Variants in ACE observed in about 807,000 individuals in gnomAD.
ACE encodes angiotensin I converting enzyme.
ACE carries 122 observed loss-of-function variants against 162.3 expected under a neutral mutation model. That is an observed-to-expected ratio of 0.75 (90% CI 0.65 to 0.87). The LOEUF (loss-of-function observed/expected upper bound fraction) is 0.87. Among genes scored for constraint, ACE ranks in the 40% least tolerant of loss-of-function variants. The pLI is 0.00. For missense variants in ACE, 1,799 were observed against 1,735.1 expected (o/e 1.04, Z -0.65); for synonymous variants, 796 against 720.6 (o/e 1.10, Z -1.68).
chr17:63,484,231 C>T lies in ACE; in HGVS notation c.1710-99C>T. On this transcript the variant is annotated intron_variant, in intron 11 of 24. Coordinates refer to ENST00000290866, the MANE Select transcript of ACE (RefSeq NM_000789.4). The surrounding 1 kb of genome is among the most constrained non-coding windows in gnomAD (Gnocchi z 4.0). Reference sequence around the variant, plus strand: ...TCTTATTGCCACAGTTTCTGCAGTCCATTGGGGGGCGGAAGTGGCCAGGGG... The same window carrying T: ...TCTTATTGCCACAGTTTCTGCAGTCTATTGGGGGGCGGAAGTGGCCAGGGG... The T allele has an allele frequency of 7.2e-6, 10 of 1,383,862 alleles. No individual in the cohort carries two copies. Among genetic ancestry groups the T allele is most frequent in the Non-Finnish European group, 9.9e-6 (10 of 1,008,802 alleles). 85.7% of individuals were successfully genotyped at this position (1,383,862 alleles called of 1,614,324 possible).
chr17:63,491,436 G>C lies in ACE; in HGVS notation c.2912+55G>C, dbSNP rs1407435479. The C allele has an allele frequency of 1.2e-6, 2 of 1,610,352 alleles. No individual in the cohort carries two copies. Among genetic ancestry groups the C allele is most frequent in the Admixed American group, 1.7e-5 (1 of 60,000 alleles). On this transcript the variant is annotated intron_variant, in intron 19 of 24. Transcript: ENST00000290866. The surrounding 1 kb of genome is among the most constrained non-coding windows in gnomAD (Gnocchi z 4.4). Reference sequence around the variant, plus strand: ...CCTGAGCCCCACGGGCAAGGGAAATGAACCAAGCAAAGGGTCCACTACTGT... The same window carrying C: ...CCTGAGCCCCACGGGCAAGGGAAATCAACCAAGCAAAGGGTCCACTACTGT...
rs908979890 is a variant in ACE at position 63,481,832 on chromosome 17, C to T, written c.1118+94C>T. 20 of 1,518,584 alleles carry T rather than the reference C, an allele frequency of 1.3e-5. No individual in the cohort carries two copies. In the Admixed American group the frequency reaches 2.9e-4, roughly 22 times the overall value. 94.1% of individuals were successfully genotyped at this position (1,518,584 alleles called of 1,614,324 possible). A position where few individuals can be genotyped will look rare whatever the true frequency, so the allele number is the denominator to read the frequency against. On this transcript the variant is annotated intron_variant, in intron 7 of 24. Coordinates refer to ENST00000290866, the MANE Select transcript of ACE (RefSeq NM_000789.4). The stretch of plus-strand genomic sequence containing the variant: ...AGGCGCAGGGAAGCTGGTTCCCAGG[C>T]CTGCCTCTACCCTACCCCAGCACTG...
At chr17:63,483,345 C>T (rs2049745228) in intron 9 of ACE, 115 bp from the exon 10 acceptor site, 11 of 1,468,072 alleles carry the variant, frequency 7.5e-6, no homozygotes, top group East Asian at 2.3e-5. Flanking sequence ...AGGAAGTCTT[C>T]CCCAGTTCCT....
chr17:63,479,158 T>C, intron 3 of ACE, 58 bp downstream of exon 3: 2 of 1,401,358 alleles, frequency 1.4e-6, no homozygotes, highest in South Asian at 2.4e-5. Context: ...ATTGCCCTGC[T>C]GCACTCCAGA....
Position 63,484,863 on chromosome 17 carries a change from C to T in ACE, c.1921+322C>T, listed in dbSNP as rs781337660. On this transcript the variant is annotated intron_variant, in intron 12 of 24. Coordinates refer to ENST00000290866, the MANE Select transcript of ACE (RefSeq NM_000789.4). This position sits in a 1 kb window ranked among gnomAD's most constrained non-coding sequence, Gnocchi z 4.0. ...GTAGCTGCAGGACTCTGCTCTCCTG[C>T]GGCCATGGGCCAGGGTTGGGCTACT... 33 of 1,575,174 alleles carry T rather than the reference C, an allele frequency of 2.1e-5. No homozygotes were observed. The Middle Eastern group carries it at 5.0e-4, about 24-fold the overall frequency.
In ACE at chr17:63,491,470, T is replaced by C; in HGVS notation, c.2912+89T>C. 1.3e-6 allele frequency: 2 copies of C among 1,559,046 alleles called. No homozygotes were observed. Among genetic ancestry groups the C allele is most frequent in the African/African-American group, 1.4e-5 (1 of 74,026 alleles). ...AAAGGGTCCACTACTGTCCCCCAGC[T>C]GGAGCCAGCAGGGCAGGATGGGGAC... On this transcript the variant is annotated intron_variant, in intron 19 of 24. Transcript: ENST00000290866. This position sits in a 1 kb window ranked among gnomAD's most constrained non-coding sequence, Gnocchi z 4.4.
chr17:63,483,347 C>T (rs2147535398), intron 9 of ACE, 113 bp from the exon 10 acceptor site: 2 of 1,473,276 alleles, frequency 1.4e-6, no homozygotes, highest in Non-Finnish European at 1.9e-6. Flanking sequence ...GAAGTCTTCC[C>T]CAGTTCCTCA....
Position 63,486,540 on chromosome 17 carries a change from T to C in ACE, c.2059-17T>C. The C allele has an allele frequency of 6.2e-7, 1 of 1,613,356 alleles. No homozygotes were observed. The highest frequency in any genetic ancestry group is 2.2e-5 in the East Asian group (1 of 44,878). ...GGAGCTCCTGGGCCCTGTGACACCA[T>C]CCCCCTGTGCCCTCAGCTGCAGAAG... On this transcript the variant is annotated splice_polypyrimidine_tract_variant and intron_variant, in intron 13 of 24. Coordinates refer to ENST00000290866, the MANE Select transcript of ACE (RefSeq NM_000789.4).
chr17:63,491,120 T>A lies in ACE; in HGVS notation c.2739+69T>A, dbSNP rs1348084107. 1.2e-6 allele frequency: 2 copies of A among 1,610,788 alleles called. No homozygotes were observed. The highest frequency in any genetic ancestry group is 8.5e-7 in the Non-Finnish European group (1 of 1,178,026). On this transcript the variant is annotated intron_variant, in intron 18 of 24. Coordinates refer to ENST00000290866, the MANE Select transcript of ACE (RefSeq NM_000789.4). The surrounding 1 kb of genome is among the most constrained non-coding windows in gnomAD (Gnocchi z 4.4). ...GGGACCCTCTGATTCAGGAGTTCCC[T>A]CCAGTTTAGCCCTCCCCCGGGATCC...
intron 13 of ACE, chr17:63,485,608 T>A (rs549383635): frequency 2.0e-6 from 1 of 502,398 alleles, no homozygotes; most frequent in Non-Finnish European, 3.7e-6. Flanking sequence ...AAACCCCATC[T>A]CTAGTAAAAA....
chr17:63,496,405 G>A lies in ACE; in HGVS notation c.3392G>A (p.Ser1131Asn). Residue 1131 changes from serine to asparagine, a missense_variant, in exon 23 of 25, where the codon AGC becomes AAC. By Grantham distance (46) the Ser-to-Asn change is conservative. Transcript: ENST00000290866. ...TCGCTCTGCTCCAGGTACTTTGTCA[G>A]CTTCATCATCCAGTTCCAGTTCCAC... ...SSVPYIRYFV[S>N]FIIQFQFHEA... The A allele has an allele frequency of 1.2e-6, 2 of 1,614,222 alleles. No homozygotes were observed. The highest frequency in any genetic ancestry group is 1.7e-6 in the Non-Finnish European group (2 of 1,180,036).
chr17:63,480,365 C>T lies in ACE; in HGVS notation c.684C>T (p.Arg228=). 3.1e-6 allele frequency: 5 copies of T among 1,614,102 alleles called. No individual in the cohort carries two copies. The highest frequency in any genetic ancestry group is 4.2e-6 in the Non-Finnish European group (5 of 1,180,038). The change falls in exon 5 of 25, where the codon CGC becomes CGT. Residue 228 remains arginine (R), a synonymous_variant. Transcript: ENST00000290866. ...DGFTDTGAYW[R]SWYNSPTFED... The stretch of plus-strand genomic sequence containing the variant: ...TCACAGACACGGGGGCCTACTGGCG[C>T]TCCTGGTACAACTCCCCCACCTTCG...
Position 63,497,383 on chromosome 17 carries a change from C to A in ACE, c.*17C>A. On this transcript the variant is annotated 3_prime_UTR_variant, in exon 25 of 25. Coordinates refer to ENST00000290866, the MANE Select transcript of ACE (RefSeq NM_000789.4). ...CACTCCTGAGGTGACCCGGCTGGGT[C>A]GGCCCTGCCCAAGGGCCTCCCACCA... is the stretch of plus-strand genomic sequence containing the variant. 6.5e-7 allele frequency: 1 copy of A among 1,545,332 alleles called. No homozygotes were observed. The highest frequency in any genetic ancestry group is 8.7e-7 in the Non-Finnish European group (1 of 1,145,108).
chr17:63,477,999 A>G lies in ACE; in HGVS notation c.318A>G (p.Glu106=). Residue 106 remains glutamate, a synonymous_variant, in exon 2 of 25, where the codon GAA becomes GAG. Coordinates refer to ENST00000290866, the MANE Select transcript of ACE (RefSeq NM_000789.4). The part of the protein sequence containing the change: ...AWGQKAKELY[E]PIWQNFTDPQ... ...GCCAGAAGGCCAAGGAGCTGTATGA[A>G]CCGATCTGGCAGAACTTCACGGACC... is the stretch of plus-strand genomic sequence containing the variant. The G allele has an allele frequency of 8.7e-6, 14 of 1,612,068 alleles. No homozygotes were observed. Among genetic ancestry groups the G allele is most frequent in the Non-Finnish European group, 1.2e-5 (14 of 1,179,410 alleles).
chr17:63,488,227 T>G (rs1270645015), intron 15 of ACE, among the ~76,000 whole-genome samples: 1 of 151,824 alleles, frequency 6.6e-6, no homozygotes, highest in Non-Finnish European at 1.5e-5. Flanking sequence ...GATGTGGTGG[T>G]GCATGCCTGT....
intron 3 of ACE, 70 bp downstream of exon 3, chr17:63,479,170 C>A: frequency 2.4e-6 from 3 of 1,241,562 alleles, no homozygotes; most frequent in South Asian, 1.3e-5. Flanking sequence ...CACTCCAGAC[C>A]ATGCAGTTGT....
chr17:63,477,916 C>T lies in ACE; in HGVS notation c.250-15C>T, dbSNP rs1452845388. 1 of 1,605,592 alleles carries T rather than the reference C, an allele frequency of 6.2e-7. No individual in the cohort carries two copies. Among genetic ancestry groups the T allele is most frequent in the South Asian group, 1.1e-5 (1 of 89,510 alleles). ...CAGGGTCCTACACCCTCCCTGCCCTCCTGGTGCCCAATAGGAGGAAGCAGC... is the reference window on the plus strand; with the variant it reads ...CAGGGTCCTACACCCTCCCTGCCCTTCTGGTGCCCAATAGGAGGAAGCAGC... On this transcript the variant is annotated splice_polypyrimidine_tract_variant and intron_variant, in intron 1 of 24. Coordinates refer to ENST00000290866, the MANE Select transcript of ACE (RefSeq NM_000789.4).
Position 63,491,811 on chromosome 17 carries a change from C to A in ACE, c.2912+430C>A, listed in dbSNP as rs1469713437. ...AGAAGCTGCCTTCCTTGGAGGATGGCGTTTTAGTTACCTATTGCTGTGCAA... is the reference window on the plus strand; with the variant it reads ...AGAAGCTGCCTTCCTTGGAGGATGGAGTTTTAGTTACCTATTGCTGTGCAA... On this transcript the variant is annotated intron_variant, in intron 19 of 24. Coordinates refer to ENST00000290866, the MANE Select transcript of ACE (RefSeq NM_000789.4). This position sits in a 1 kb window ranked among gnomAD's most constrained non-coding sequence, Gnocchi z 4.4. Among the ~76,000 whole-genome samples the A allele has an allele frequency of 6.6e-6, 1 of 152,148 alleles. No homozygotes were observed. Among genetic ancestry groups the A allele is most frequent in the African/African-American group, 2.4e-5 (1 of 41,432 alleles).
At chr17:63,494,669 T>G (rs2030621611) in intron 22 of ACE, among the ~76,000 whole-genome samples, 199 bp downstream of exon 22, 2 of 152,362 alleles carry the variant, frequency 1.3e-5, no homozygotes, top group South Asian at 4.1e-4. Context: ...GATGAGAGTC[T>G]GTACCATCCA....
Sources: allele counts gnomAD v4.1 joint callset (sites outside exome capture counted in the v4.1 genomes callset), GRCh38; gene constraint gnomAD v4.1.1; non-coding constraint Gnocchi (gnomAD v3.1); transcripts MANE v1.5; gene names NCBI Gene and HGNC (gene_info 2026-07-23, HGNC 2026-07-21).